BIN3: variants seen among roughly 807,000 people sequenced by gnomAD.
BIN3 encodes bridging integrator 3.
A neutral mutation model predicts 38.2 loss-of-function variants in BIN3; 41 were observed. That is an observed-to-expected ratio of 1.07 (90% CI 0.84 to 1.39). BIN3 has a LOEUF of 1.39. Ranked by LOEUF, BIN3 falls within the 40% of genes most tolerant of loss-of-function variation. BIN3 has a pLI of 0.00. For synonymous variants in BIN3, 145 were observed against 122.6 expected, an observed-to-expected ratio of 1.18 and a Z score of -1.21; for missense variants, 361 against 324.3, an observed-to-expected ratio of 1.11 and a Z score of -0.87.
chr8:22,625,650 T>G (rs1175427861), intron 6 of BIN3: 1 of 501,160 alleles, frequency 2.0e-6, no homozygotes. Flanking sequence ...TACAGTGGTA[T>G]GATCTCTGCT....
At chr8:22,642,885 C>T (rs1193968552) in intron 2 of BIN3, among the ~76,000 whole-genome samples, 1 of 152,192 alleles carries the variant, frequency 6.6e-6, no homozygotes, top group Non-Finnish European at 1.5e-5. Flanking sequence ...ATTCCATCTC[C>T]AGCGAGACAG....
At position 22,624,577 on chromosome 8, in the gene BIN3, A is replaced by G. The variant is rs1801950186; in HGVS notation, c.339-214T>C. The G allele has an allele frequency of 1.0e-5, 6 of 577,620 alleles. No homozygotes were observed. In the South Asian group the frequency reaches 1.4e-4, roughly 13 times the overall value. The allele number at this position is 577,620 out of a possible 1,614,324, so 35.8% of individuals were successfully genotyped here. ...GGGGAGTTCACTGTGAACAAGACAG[A>G]TGAGGCCCTGTCCCCTGGAGCTTGT... On this transcript the variant is annotated intron_variant, in intron 6 of 8. Coordinates refer to ENST00000276416, the MANE Select transcript of BIN3 (RefSeq NM_018688.6).
chr8:22,630,065 C>T, intron 5 of BIN3, 61 bp from the exon 6 acceptor site: 1 of 1,498,772 alleles, frequency 6.7e-7, no homozygotes, highest in Non-Finnish European at 9.2e-7. Flanking sequence ...ACACGCAAGG[C>T]AGGGCCCCTA....
At chr8:22,656,895 G>A (rs1169652884) in intron 1 of BIN3, among the ~76,000 whole-genome samples, 1 of 152,136 alleles carries the variant, frequency 6.6e-6, no homozygotes, top group South Asian at 2.1e-4. Context: ...GCTTGGTAAA[G>A]GGTACAGGCT....
intron 1 of BIN3, among the ~76,000 whole-genome samples, chr8:22,656,538 CT>C (rs1405942740): frequency 6.6e-6 from 1 of 152,160 alleles, no homozygotes; most frequent in Admixed American, 6.5e-5. Context: ...TAAAATTCAT[CT>C]TTTTCCCCAA....
chr8:22,657,790 T>A (rs1313834722), intron 1 of BIN3, among the ~76,000 whole-genome samples: 1 of 152,238 alleles, frequency 6.6e-6, no homozygotes, highest in Non-Finnish European at 1.5e-5. Flanking sequence ...TGAGTCCCCA[T>A]TTCATCCCCG....
At chr8:22,654,823 C>A (rs940947793) in intron 1 of BIN3, among the ~76,000 whole-genome samples, 1 of 152,148 alleles carries the variant, frequency 6.6e-6, no homozygotes, top group Non-Finnish European at 1.5e-5. Context: ...GGATATGTTA[C>A]TTCTCTTGGG....
At chr8:22,663,126 G>A (rs1253487263) in intron 1 of BIN3, among the ~76,000 whole-genome samples, 3 of 150,286 alleles carry the variant, frequency 2.0e-5, no homozygotes, top group African/African-American at 7.4e-5. Flanking sequence ...CTCAAAAAAC[G>A]AAAAACCATG....
At chr8:22,630,726 C>T in intron 4 of BIN3, 148 bp from the exon 5 acceptor site, 1 of 802,760 alleles carries the variant, frequency 1.2e-6, no homozygotes, top group African/African-American at 1.7e-5. Flanking sequence ...AAGTACCACA[C>T]AACCACAAGC....
chr8:22,645,568 G>C (rs903878881), intron 1 of BIN3, among the ~76,000 whole-genome samples: 9 of 142,826 alleles, frequency 6.3e-5, no homozygotes, highest in Non-Finnish European at 1.4e-4. Context: ...AAGGGGAAGA[G>C]AGGAAAGGCG....
rs1350414481 is a variant in BIN3, at chr8:22,621,153, G to A, written c.*269C>T. On this transcript the variant is annotated 3_prime_UTR_variant, in exon 9 of 9. Transcript: ENST00000276416. ...AGGGCTGCAGCTTGCTCAGGCCGTG[G>A]GCCAGGATGCATGCTGGACGGTTCT... 9.1e-6 allele frequency: 4 copies of A among 440,694 alleles called. No individual in the cohort carries two copies. Among genetic ancestry groups the A allele is most frequent in the African/African-American group, 6.0e-5 (3 of 49,974 alleles). The allele number at this position is 440,694 out of a possible 1,614,324, so 27.3% of individuals were successfully genotyped here.
intron 1 of BIN3, among the ~76,000 whole-genome samples, chr8:22,658,799 G>T (rs1363373097): frequency 6.6e-6 from 1 of 152,214 alleles, no homozygotes; most frequent in Non-Finnish European, 1.5e-5. Context: ...AGGGAGGTAA[G>T]GGAGGTGAGA....
At chr8:22,631,238 G>A (rs150299150) in intron 4 of BIN3, among the ~76,000 whole-genome samples, 41 of 152,256 alleles carry the variant, frequency 2.7e-4, no homozygotes, top group African/African-American at 9.4e-4. Context: ...GAAGAGATAC[G>A]CTGGAAAATG....
chr8:22,634,311 G>A (rs1802297779), intron 4 of BIN3: 7 of 350,890 alleles, frequency 2.0e-5, no homozygotes, highest in South Asian at 1.3e-4. Flanking sequence ...GGAGCAAGGT[G>A]CATGTTCAGA....
At chr8:22,664,634 G>A (rs62494266) in intron 1 of BIN3, among the ~76,000 whole-genome samples, 44 of 152,384 alleles carry the variant, frequency 2.9e-4, no homozygotes, top group Admixed American at 1.0e-3. Flanking sequence ...ATCAGCTTGG[G>A]AATGGTCTGC....
At position 22,623,296 on chromosome 8, in the gene BIN3, G is replaced by A. The variant is rs375615421; in HGVS notation, c.615+619C>T. On this transcript the variant is annotated intron_variant, in intron 8 of 8. Coordinates refer to ENST00000276416, the MANE Select transcript of BIN3 (RefSeq NM_018688.6). ...GAGGGTGAGGAGCATGCCACTCCGT[G>A]TCCTCCCGTCCCCGAGTGGAAGGAG... is the stretch of plus-strand genomic sequence containing the variant. Among the ~76,000 whole-genome samples, 103 of 152,306 alleles carry A rather than the reference G, an allele frequency of 6.8e-4. 1 individual carries two copies. Among genetic ancestry groups the A allele is most frequent in the African/African-American group, 2.4e-3 (101 of 41,556 alleles).
chr8:22,649,293 CCTT>C lies in BIN3; in HGVS notation c.9-4493_9-4491del, dbSNP rs1195792744. Among the ~76,000 whole-genome samples the C allele has an allele frequency of 4.6e-5, 7 of 152,216 alleles. No individual in the cohort carries two copies. The East Asian group carries it at 1.3e-3, about 29-fold the overall frequency. ...TCTCTGCTCCCAGGAAAACTTCTCA[CCTT>C]CTTCTAAACGTCAAAGACTTATTTG... On this transcript the variant is annotated intron_variant, in intron 1 of 8. Transcript: ENST00000276416.
chr8:22,635,975 T>A (rs1802353025), intron 4 of BIN3, among the ~76,000 whole-genome samples: 2 of 152,032 alleles, frequency 1.3e-5, no homozygotes, highest in South Asian at 4.1e-4. Context: ...CCAAGAAACC[T>A]CCCCAAGGGC....
In BIN3 at chr8:22,621,450, C is replaced by T. The variant is rs778582977; in HGVS notation, c.734G>A (p.Arg245Gln). The change falls in exon 9 of 9, where the codon CGG becomes CAG. Residue 245 changes from arginine to glutamine, a missense_variant. Physicochemically the swap from Arg to Gln is conservative, Grantham distance 43. Coordinates refer to ENST00000276416, the MANE Select transcript of BIN3 (RefSeq NM_018688.6). ...GTCATCGGCCACAATGGAGAGGGCC[C>T]GGAGCTCACTGAGTTTGGCCTCGTT... The part of the protein sequence containing the change: ...RENEAKLSEL[R>Q]ALSIVADD 2.2e-5 allele frequency: 35 copies of T among 1,613,646 alleles called. No homozygotes were observed. The highest frequency in any genetic ancestry group is 6.7e-5 in the East Asian group (3 of 44,872).
Sources: allele counts gnomAD v4.1 joint callset (sites outside exome capture counted in the v4.1 genomes callset), GRCh38; gene constraint gnomAD v4.1.1; transcripts MANE v1.5; gene names NCBI Gene and HGNC (gene_info 2026-07-23, HGNC 2026-07-21).